DNMT3A: variants seen among roughly 807,000 people sequenced by gnomAD.
DNMT3A encodes DNA methyltransferase 3 alpha.
Under a neutral mutation model 117.6 loss-of-function variants are expected in DNMT3A, and 267 were observed. The ratio of observed to expected loss-of-function variants is 2.27; its 90% confidence interval spans 2.05 to 2.51. The LOEUF (loss-of-function observed/expected upper bound fraction) is 2.51. Ranked by LOEUF, DNMT3A falls within the 30% of genes most tolerant of loss-of-function variation. The pLI, the probability that DNMT3A is intolerant of heterozygous loss-of-function variation, is 0.00. For missense variants in DNMT3A, 1,029 were observed against 1,260.2 expected (o/e 0.82, Z 2.78); for synonymous variants, 432 against 474.8 (o/e 0.91, Z 1.17).
At chr2:25,262,501 T>C (rs1042029373) in intron 6 of DNMT3A, among the ~76,000 whole-genome samples, 3 of 152,036 alleles carry the variant, frequency 2.0e-5, no homozygotes, top group Non-Finnish European at 2.9e-5. Context: ...ATGAACCCTA[T>C]CCCCAGCCCA....
chr2:25,259,052 C>T (rs1011234195), intron 6 of DNMT3A, among the ~76,000 whole-genome samples: 2 of 152,236 alleles, frequency 1.3e-5, no homozygotes, highest in African/African-American at 2.4e-5. Flanking sequence ...CTGGCTCCCT[C>T]GTTCTCTCCC....
chr2:25,301,701 G>C (rs1389828797), intron 2 of DNMT3A, among the ~76,000 whole-genome samples: 1 of 152,172 alleles, frequency 6.6e-6, no homozygotes, highest in East Asian at 1.9e-4. Context: ...GGGAAGTGGG[G>C]AGAAAGACGT....
intron 6 of DNMT3A, chr2:25,251,835 C>T: frequency 2.8e-6 from 1 of 354,540 alleles, no homozygotes; most frequent in Non-Finnish European, 5.1e-6. Flanking sequence ...GCCAGGCACC[C>T]ATCTGCCAGC....
At chr2:25,235,560 T>G in intron 22 of DNMT3A, 147 bp downstream of exon 22, 1 of 656,456 alleles carries the variant, frequency 1.5e-6, no homozygotes, top group Non-Finnish European at 2.7e-6. Flanking sequence ...CCCAGGAGTC[T>G]GCCATGTTGG....
intron 1 of DNMT3A, among the ~76,000 whole-genome samples, chr2:25,324,271 C>A (rs1289425610): frequency 6.6e-6 from 1 of 152,184 alleles, no homozygotes; most frequent in Non-Finnish European, 1.5e-5. Flanking sequence ...CAAAACAATC[C>A]TATGAAGCAG....
chr2:25,332,725 G>A (rs1288425867), intron 1 of DNMT3A, among the ~76,000 whole-genome samples: 1 of 152,234 alleles, frequency 6.6e-6, no homozygotes, highest in Non-Finnish European at 1.5e-5. Context: ...AGCCCCACTG[G>A]GCTTCCCAGC....
intron 1 of DNMT3A, among the ~76,000 whole-genome samples, chr2:25,319,122 C>G (rs1365243415): frequency 6.6e-6 from 1 of 150,806 alleles, no homozygotes; most frequent in Non-Finnish European, 1.5e-5. Context: ...TCATGCCATT[C>G]TCCTGCCTCA....
intron 1 of DNMT3A, among the ~76,000 whole-genome samples, chr2:25,316,384 A>G (rs2034382621): frequency 6.6e-6 from 1 of 152,248 alleles, no homozygotes; most frequent in African/African-American, 2.4e-5. Flanking sequence ...AGACTCTGAC[A>G]TCTGAGCTGC....
intron 2 of DNMT3A, among the ~76,000 whole-genome samples, chr2:25,301,853 C>G (rs958575612): frequency 9.9e-5 from 15 of 152,242 alleles, no homozygotes; most frequent in African/African-American, 3.6e-4. Context: ...GTCCACAGCT[C>G]TCCTGGAGAC....
intron 6 of DNMT3A, among the ~76,000 whole-genome samples, chr2:25,263,538 C>T (rs1382257134): frequency 6.6e-6 from 1 of 152,152 alleles, no homozygotes; most frequent in Admixed American, 6.5e-5. Context: ...TACTGAGGTC[C>T]ATTAACTCCT....
intron 20 of DNMT3A, among the ~76,000 whole-genome samples, chr2:25,238,089 T>C (rs1172841631): frequency 1.3e-5 from 2 of 152,196 alleles, no homozygotes; most frequent in Non-Finnish European, 2.9e-5. Context: ...ATTTTAGAGT[T>C]GAAAGAAGCA....
At chr2:25,264,628 A>C (rs1009048445) in intron 6 of DNMT3A, among the ~76,000 whole-genome samples, 1 of 151,294 alleles carries the variant, frequency 6.6e-6, no homozygotes, top group Non-Finnish European at 1.5e-5. Flanking sequence ...ACGCCCGGCT[A>C]ATTTTTTGTA....
At chr2:25,246,100 G>A (rs371384520) in intron 11 of DNMT3A, 36 bp from the exon 12 acceptor site, 13 of 1,614,054 alleles carry the variant, frequency 8.1e-6, no homozygotes, top group South Asian at 3.3e-5. Flanking sequence ...AGAGGAGGCC[G>A]CGCCTGCTCC....
In DNMT3A at chr2:25,306,433, C is replaced by A. The variant is rs560423887; in HGVS notation, c.73-6190G>T. ...GTCGTGTCATAATTACCGAGGAAAG[C>A]CTTCCATCCTCCTGAAAGGCCACTC... is the stretch of plus-strand genomic sequence containing the variant. On this transcript the variant is annotated intron_variant, in intron 2 of 22. Transcript: ENST00000321117. This position sits in a 1 kb window ranked among gnomAD's most constrained non-coding sequence, Gnocchi z 4.1. Among the ~76,000 whole-genome samples, 8 of 152,308 alleles carry A rather than the reference C, an allele frequency of 5.3e-5. No individual in the cohort carries two copies. The highest frequency in any genetic ancestry group is 1.9e-4 in the African/African-American group (8 of 41,560).
chr2:25,299,527 T>A (rs1246258966), intron 3 of DNMT3A, among the ~76,000 whole-genome samples: 3 of 152,214 alleles, frequency 2.0e-5, no homozygotes, highest in African/African-American at 7.2e-5. Context: ...GCCCTCTTGC[T>A]TCCCTTCCAG....
chr2:25,330,711 A>T lies in DNMT3A; in HGVS notation c.-178+11115T>A, dbSNP rs569750082. On this transcript the variant is annotated intron_variant, in intron 1 of 22. Coordinates refer to ENST00000321117, the MANE Select transcript of DNMT3A (RefSeq NM_022552.5). ...TGAGCCAGCTACAGGGCAAGGTCCC[A>T]GCTGTGGTCCCACTGGGTCCTGCAA... is the stretch of plus-strand genomic sequence containing the variant. Among the ~76,000 whole-genome samples the T allele has an allele frequency of 1.1e-4, 16 of 152,336 alleles. No individual in the cohort carries two copies. The East Asian group carries it at 3.1e-3, about 29-fold the overall frequency.
rs1674375553 is a variant in DNMT3A at position 25,243,886 on chromosome 2, T to C, written c.1936+12A>G. 3.2e-6 allele frequency: 5 copies of C among 1,551,842 alleles called. No individual in the cohort carries two copies. The highest frequency in any genetic ancestry group is 2.6e-6 in the Non-Finnish European group (3 of 1,147,002). On this transcript the variant is annotated intron_variant, in intron 16 of 22. Coordinates refer to ENST00000321117, the MANE Select transcript of DNMT3A (RefSeq NM_022552.5). Reference sequence around the variant, plus strand: ...CAAGGCGGCCAGCACCTCTTGGGCCTGCACCCCTCACCTGTAGCGATTCCA... The same window carrying C: ...CAAGGCGGCCAGCACCTCTTGGGCCCGCACCCCTCACCTGTAGCGATTCCA...
At chr2:25,300,293 T>C in intron 2 of DNMT3A, 50 bp from the exon 3 acceptor site, 2 of 1,585,570 alleles carry the variant, frequency 1.3e-6, no homozygotes, top group Non-Finnish European at 1.7e-6. Flanking sequence ...CCCAGCAGTG[T>C]AGCATTCCAG....
rs1014147376 is a variant in DNMT3A at position 25,327,039 on chromosome 2, C to T, written c.-177-12878G>A. Among the ~76,000 whole-genome samples, 1 of 152,218 alleles carries T rather than the reference C, an allele frequency of 6.6e-6. No homozygotes were observed. The highest frequency in any genetic ancestry group is 1.9e-4 in the East Asian group (1 of 5,208). Reference sequence around the variant, plus strand: ...CATGGCATTACAGAGACGTTGCCATCCAGGGAGCCATCGCCACACCCTCTC... The same window carrying T: ...CATGGCATTACAGAGACGTTGCCATTCAGGGAGCCATCGCCACACCCTCTC... On this transcript the variant is annotated intron_variant, in intron 1 of 22. Transcript: ENST00000321117. This position sits in a 1 kb window ranked among gnomAD's most constrained non-coding sequence, Gnocchi z 4.1.
Sources: gnomAD v4.1 joint callset for allele counts (sites outside exome capture counted in the v4.1 genomes callset) on GRCh38, gnomAD v4.1.1 for gene constraint, Gnocchi (gnomAD v3.1) non-coding constraint, MANE v1.5 for transcripts, NCBI Gene and HGNC (gene_info 2026-07-23, HGNC 2026-07-21) for gene names.